Variants in AGTPBP1 observed in about 807,000 individuals in gnomAD.
AGTPBP1 encodes ATP/GTP binding carboxypeptidase 1, also known as cytosolic carboxypeptidase 1.
In AGTPBP1, 70 loss-of-function variants were observed where a neutral mutation model predicts 143.9. The ratio of observed to expected loss-of-function variants is 0.49; its 90% CI spans 0.40 to 0.59. The LOEUF is 0.59. Ranked by LOEUF, AGTPBP1 falls within the 20% of genes least tolerant of loss-of-function variation. The pLI, the probability that AGTPBP1 is intolerant of heterozygous loss-of-function variation, is 0.00. For synonymous variants in AGTPBP1, 463 were observed against 500.2 expected (o/e 0.93, Z 0.99); for missense variants, 1,229 against 1,464.5 (o/e 0.84, Z 2.62).
chr9:85,770,061 T>TTGTG, the AGTPBP1 span, among the ~76,000 whole-genome samples: 27,249 of 148,244 alleles, frequency 0.18, 3,057 homozygotes, highest in South Asian at 0.38. Context: ...TGTTAATCTG[T>TTGTG]TGTGTGTGTG....
the AGTPBP1 span, among the ~76,000 whole-genome samples, chr9:85,782,275 G>A: frequency 6.6e-6 from 1 of 152,216 alleles, no homozygotes; most frequent in African/African-American, 2.4e-5. Flanking sequence ...AGCACTTTGG[G>A]AGGCCAAGGC....
At chr9:85,591,564 C>A (rs4477112) in intron 19 of AGTPBP1, among the ~76,000 whole-genome samples, 40,543 of 151,886 alleles carry the variant, frequency 0.27, 7,733 homozygotes, top group East Asian at 0.53. Context: ...AAAAATAGTG[C>A]AAATATATAT....
At chr9:85,568,419 C>T (rs1325751321) in intron 25 of AGTPBP1, among the ~76,000 whole-genome samples, 4 of 152,054 alleles carry the variant, frequency 2.6e-5, no homozygotes, top group Non-Finnish European at 1.5e-5. Flanking sequence ...TCTGAAAATT[C>T]AAGGGTGGTC....
the AGTPBP1 span, among the ~76,000 whole-genome samples, chr9:85,771,501 G>A: frequency 6.6e-6 from 1 of 152,096 alleles, no homozygotes. Context: ...TTATAATTCT[G>A]TGAAATAAGA....
chr9:85,676,725 A>G (rs780093538), intron 6 of AGTPBP1, among the ~76,000 whole-genome samples: 1 of 152,246 alleles, frequency 6.6e-6, no homozygotes, highest in Non-Finnish European at 1.5e-5. Context: ...ATATTGAAGA[A>G]TATCTGCATT....
chr9:85,621,634 G>A (rs934496102), intron 14 of AGTPBP1, among the ~76,000 whole-genome samples: 3 of 151,966 alleles, frequency 2.0e-5, no homozygotes, highest in Non-Finnish European at 4.4e-5. Flanking sequence ...CATAATAGCA[G>A]CATTACGAGA....
intron 25 of AGTPBP1, among the ~76,000 whole-genome samples, chr9:85,550,192 T>TGAGAGAGAGAGA (rs72089458): frequency 6.9e-6 from 1 of 145,256 alleles, no homozygotes; most frequent in African/African-American, 2.6e-5. Context: ...TGTGTGTGTG[T>TGAGAGAGAGAGA]GTGAGAGAGA....
In AGTPBP1 at chr9:85,672,148, G is replaced by A. The variant is rs7849681; in HGVS notation, c.568+402C>T. On this transcript the variant is annotated intron_variant, in intron 7 of 25. Transcript: ENST00000357081. ...TGCAATGGCACAATCTCAGCTCATT[G>A]CAACCTCCACTTCCCAGGTTCAAAT... Among the ~76,000 whole-genome samples the A allele has an allele frequency of 2.1e-3, 317 of 151,316 alleles. 3 individuals are homozygous for A. Among genetic ancestry groups the A allele is most frequent in the African/African-American group, 7.1e-3 (294 of 41,182 alleles).
At chr9:85,770,626 T>C in the AGTPBP1 span, 7 of 572,494 alleles carry the variant, frequency 1.2e-5, no homozygotes. Flanking sequence ...GAGCATGATT[T>C]CTCTTTATAG....
chr9:85,677,279 A>T (rs1047171981), intron 6 of AGTPBP1, among the ~76,000 whole-genome samples, 157 bp downstream of exon 6: 1 of 152,212 alleles, frequency 6.6e-6, no homozygotes, highest in Admixed American at 6.5e-5. Flanking sequence ...TTTTTATCAA[A>T]ATATCATGTG....
chr9:85,629,425 A>G (rs1203050791), intron 14 of AGTPBP1, among the ~76,000 whole-genome samples: 1 of 152,220 alleles, frequency 6.6e-6, no homozygotes, highest in Non-Finnish European at 1.5e-5. Flanking sequence ...CCCAGTATGT[A>G]TAAATTCCTC....
the AGTPBP1 span, among the ~76,000 whole-genome samples, chr9:85,791,862 T>G: frequency 4.6e-5 from 7 of 151,872 alleles, no homozygotes; most frequent in Non-Finnish European, 1.0e-4. Flanking sequence ...TAGATCGAAT[T>G]TGAATAGAAA....
rs35903806 is a variant in AGTPBP1 at position 85,650,042 on chromosome 9, C to CTTT, written c.1088-3627_1088-3625dup. 2.8e-3 allele frequency among the ~76,000 whole-genome samples: 305 copies of CTTT among 109,216 alleles called. 4 individuals carry two copies. Among genetic ancestry groups the CTTT allele is most frequent in the African/African-American group, 5.5e-3 (156 of 28,498 alleles). 71.6% of individuals were successfully genotyped at this position (109,216 alleles called of 152,430 possible). A position where few individuals can be genotyped will look rare whatever the true frequency, so the allele number is the denominator to read the frequency against. ...GCATCATGCTAGCTTCTAAACTTTC[C>CTTT]TTTTTTTTTTTTTTTTTTTTTCTTG... On this transcript the variant is annotated intron_variant, in intron 11 of 25. Coordinates refer to ENST00000357081, the MANE Select transcript of AGTPBP1 (RefSeq NM_001330701.2).
chr9:85,742,121 T>A, upstream of AGTPBP1: 1 of 766,584 alleles, frequency 1.3e-6, no homozygotes, highest in Non-Finnish European at 1.6e-6. Context: ...CCGTGCGCGC[T>A]GCGCCCCGCC....
At chr9:85,618,705 A>T (rs1176531125) in intron 17 of AGTPBP1, among the ~76,000 whole-genome samples, 3 of 152,168 alleles carry the variant, frequency 2.0e-5, no homozygotes. Context: ...ACACAATCAG[A>T]TGTCGCCATC....
rs374904159 is a variant in AGTPBP1 at position 85,668,622 on chromosome 9, A to G, written c.662+863T>C. Among the ~76,000 whole-genome samples, 13 of 152,226 alleles carry G rather than the reference A, an allele frequency of 8.5e-5. No homozygotes were observed. The East Asian group carries it at 1.2e-3, about 14-fold the overall frequency. On this transcript the variant is annotated intron_variant, in intron 8 of 25. Coordinates refer to ENST00000357081, the MANE Select transcript of AGTPBP1 (RefSeq NM_001330701.2). The stretch of plus-strand genomic sequence containing the variant: ...GAGAAAATATCTAGGATCTGCTTAT[A>G]GAAATACACACACATTTATGTATAT...
chr9:85,672,101 T>A (rs1257689252), intron 7 of AGTPBP1, among the ~76,000 whole-genome samples: 4 of 151,976 alleles, frequency 2.6e-5, no homozygotes, highest in Admixed American at 1.3e-4. Flanking sequence ...GACGGAGTCT[T>A]GCTCTATCAC....
intron 19 of AGTPBP1, among the ~76,000 whole-genome samples, chr9:85,592,013 C>T (rs1828999733): frequency 6.6e-6 from 1 of 152,004 alleles, no homozygotes; most frequent in African/African-American, 2.4e-5. Context: ...ACTCTTATAC[C>T]CTAGATTCTT....
chr9:85,616,563 A>G (rs926351417), intron 17 of AGTPBP1, among the ~76,000 whole-genome samples: 2 of 151,980 alleles, frequency 1.3e-5, no homozygotes, highest in African/African-American at 4.8e-5. Context: ...TGAAAATTAT[A>G]TTGACTATTA....
Sources: gnomAD v4.1 joint callset for allele counts (sites outside exome capture counted in the v4.1 genomes callset) on GRCh38, gnomAD v4.1.1 for gene constraint, MANE v1.5 for transcripts, NCBI Gene and HGNC (gene_info 2026-07-23, HGNC 2026-07-21) for gene names.